GGNBP2: variants seen among roughly 807,000 people sequenced by gnomAD.
The protein encoded by GGNBP2 is gametogenetin binding protein 2.
A neutral mutation model predicts 85.9 loss-of-function variants in GGNBP2; 10 were observed. That is an observed-to-expected ratio of 0.12 (90% CI 0.07 to 0.20). The LOEUF is 0.20. Among genes scored for constraint, GGNBP2 ranks in the 10% least tolerant of loss-of-function variants. The probability of loss-of-function intolerance (pLI) is 1.00; values close to 1 mark genes in which losing one functional copy is unlikely to be tolerated. For missense variants in GGNBP2, 595 were observed against 857.8 expected (o/e 0.69, Z 3.83); for synonymous variants, 287 against 285.7 (o/e 1.00, Z -0.05).
intron 6 of GGNBP2, chr17:36,577,334 C>A (rs2074601492): frequency 6.6e-6 from 1 of 152,262 alleles, no homozygotes; most frequent in African/African-American, 2.4e-5. Flanking sequence ...TAAGTTTAAA[C>A]CAGTTTCCAT....
chr17:36,557,060 T>G, intron 3 of GGNBP2, 23 bp from the exon 4 acceptor site: 5 of 1,613,196 alleles, frequency 3.1e-6, no homozygotes, highest in Non-Finnish European at 4.2e-6. Context: ...AGGACACTCT[T>G]TCATTTTCTT....
Position 36,578,101 on chromosome 17 carries a change from C to G in GGNBP2, c.760C>G (p.Pro254Ala). ...ACTTTATGAAGGCTTGCGGTGCTGT[C>G]CACATGAACGACACATACATGTTTG... ...AALYEGLRCC[P>A]HERHIHVCCE... Residue 254 changes from proline (P) to alanine (A), a missense_variant, in exon 7 of 14, where the codon CCA (proline) becomes GCA (alanine). Coordinates refer to ENST00000613102, the MANE Select transcript of GGNBP2 (RefSeq NM_024835.5). 1 of 1,614,130 alleles carries G rather than the reference C, an allele frequency of 6.2e-7. No individual in the cohort carries two copies. The highest frequency in any genetic ancestry group is 8.5e-7 in the Non-Finnish European group (1 of 1,179,996).
intron 5 of GGNBP2, among the ~76,000 whole-genome samples, chr17:36,562,781 A>G (rs1456265517): frequency 1.3e-5 from 2 of 151,296 alleles, no homozygotes; most frequent in East Asian, 2.0e-4. Context: ...CCTGACCAAC[A>G]TGGGGAAACC....
At chr17:36,558,381 T>C (rs1480559200) in intron 4 of GGNBP2, among the ~76,000 whole-genome samples, 1 of 102,534 alleles carries the variant, frequency 9.8e-6, no homozygotes, top group Non-Finnish European at 1.8e-5. Flanking sequence ...CACATTGCAC[T>C]CCAGCCTGGG....
intron 2 of GGNBP2, among the ~76,000 whole-genome samples, chr17:36,553,835 A>T (rs767192034): frequency 6.6e-6 from 1 of 152,206 alleles, no homozygotes; most frequent in East Asian, 1.9e-4. Flanking sequence ...GTAGTGATAC[A>T]TAACTATGGT....
At chr17:36,557,539 G>T (rs992316763) in intron 4 of GGNBP2, among the ~76,000 whole-genome samples, 14 of 152,154 alleles carry the variant, frequency 9.2e-5, no homozygotes, top group African/African-American at 2.7e-4. Context: ...TGTCAGGGAT[G>T]ATAAGTTAGA....
intron 5 of GGNBP2, among the ~76,000 whole-genome samples, chr17:36,562,498 T>A (rs1177611081): frequency 6.6e-6 from 1 of 151,788 alleles, no homozygotes; most frequent in Non-Finnish European, 1.5e-5. Flanking sequence ...AATATCTCAT[T>A]TGTGTCATTG....
At chr17:36,572,486 C>A (rs1003227914) in intron 6 of GGNBP2, among the ~76,000 whole-genome samples, 1 of 152,178 alleles carries the variant, frequency 6.6e-6, no homozygotes, top group African/African-American at 2.4e-5. Context: ...CCCAGGAGTT[C>A]AAGACTAGCC....
At chr17:36,569,095 T>C (rs17138344) in intron 6 of GGNBP2, among the ~76,000 whole-genome samples, 5,608 of 151,892 alleles carry the variant, frequency 0.037, 152 homozygotes, top group Non-Finnish European at 0.058. Flanking sequence ...TGGAAATTCA[T>C]AGGGAGGAGA....
chr17:36,549,051 T>C (rs1479092918), intron 2 of GGNBP2, among the ~76,000 whole-genome samples: 1 of 152,236 alleles, frequency 6.6e-6, no homozygotes, highest in South Asian at 2.1e-4. Context: ...ATAGGGCTGA[T>C]GTAGGTGTAC....
intron 6 of GGNBP2, among the ~76,000 whole-genome samples, chr17:36,575,552 A>T (rs569598296): frequency 1.4e-3 from 198 of 146,224 alleles, no homozygotes; most frequent in African/African-American, 5.0e-3. Flanking sequence ...AACATAATTT[A>T]ACATTATTTG....
chr17:36,546,207 A>G (rs912963293), intron 2 of GGNBP2: 2 of 379,606 alleles, frequency 5.3e-6, no homozygotes, highest in African/African-American at 4.1e-5. Context: ...GTAATGTCGC[A>G]GCTGCACTGC....
chr17:36,546,031 T>C, intron 2 of GGNBP2: 1 of 509,624 alleles, frequency 2.0e-6, no homozygotes, highest in Non-Finnish European at 3.5e-6. Flanking sequence ...ACGCACTCCC[T>C]CTCTCCAGAT....
Position 36,589,745 on chromosome 17 carries a change from G to T in GGNBP2, c.*334G>T. 3.8e-6 allele frequency: 1 copy of T among 262,416 alleles called. No homozygotes were observed. The allele number at this position is 262,416 out of a possible 1,614,324, so 16.3% of individuals were successfully genotyped here. On this transcript the variant is annotated 3_prime_UTR_variant, in exon 14 of 14. Transcript: ENST00000613102. ...AGAAATGACAATGAGCTGAATATAT[G>T]GTTTTACAAAGTAGACATCCACTTG... is the stretch of plus-strand genomic sequence containing the variant.
In GGNBP2 at chr17:36,585,837, C is replaced by T. The variant is rs1457253377; in HGVS notation, c.1367-3C>T. On this transcript the variant is annotated splice_region_variant and splice_polypyrimidine_tract_variant and intron_variant, in intron 10 of 13. Coordinates refer to ENST00000613102, the MANE Select transcript of GGNBP2 (RefSeq NM_024835.5). ...TAGTAACTCTCACTTGATTTATTCT[C>T]AGGCTTATCTCCACACTGTAATGGT... is the stretch of plus-strand genomic sequence containing the variant. 6.2e-7 allele frequency: 1 copy of T among 1,612,106 alleles called. No individual in the cohort carries two copies. Among genetic ancestry groups the T allele is most frequent in the Non-Finnish European group, 8.5e-7 (1 of 1,178,570 alleles).
chr17:36,579,105 A>G, intron 7 of GGNBP2, 140 bp from the exon 8 acceptor site: 1 of 654,922 alleles, frequency 1.5e-6, no homozygotes, highest in Non-Finnish European at 2.7e-6. Context: ...TTGTATAGCA[A>G]CATATACGTT....
chr17:36,564,038 C>T (rs899492232), intron 5 of GGNBP2, among the ~76,000 whole-genome samples: 1 of 152,196 alleles, frequency 6.6e-6, no homozygotes, highest in Non-Finnish European at 1.5e-5. Context: ...AGCCACGGCG[C>T]CTGGCCCAAT....
intron 13 of GGNBP2, 38 bp downstream of exon 13, chr17:36,587,283 T>C (rs769265405): frequency 6.2e-7 from 1 of 1,606,112 alleles, no homozygotes; most frequent in Admixed American, 1.7e-5. Context: ...CATAACTGTT[T>C]GGGAACGGGG....
In GGNBP2 at chr17:36,571,608, G is replaced by A. The variant is rs1468585814; in HGVS notation, c.641+3832G>A. The stretch of plus-strand genomic sequence containing the variant: ...TGTAATCCCAGCACTTTGGGAGGCC[G>A]AGGCGGGCGGATCATGAGGTCAGGA... On this transcript the variant is annotated intron_variant, in intron 6 of 13. Transcript: ENST00000613102. Among the ~76,000 whole-genome samples, 5 of 152,064 alleles carry A rather than the reference G, an allele frequency of 3.3e-5. No homozygotes were observed. The East Asian group carries it at 7.7e-4, about 23-fold the overall frequency.
Sources: allele counts gnomAD v4.1 joint callset (sites outside exome capture counted in the v4.1 genomes callset), GRCh38; gene constraint gnomAD v4.1.1; transcripts MANE v1.5; gene names NCBI Gene and HGNC (gene_info 2026-07-23, HGNC 2026-07-21).